The following CBLB variants were observed in gnomAD, a reference collection of about 807,000 sequenced individuals.
CBLB encodes E3 ubiquitin-protein ligase CBL-B.
In CBLB, 31 loss-of-function variants were observed where a neutral mutation model predicts 104.9. The ratio of observed to expected loss-of-function variants is 0.30; its 90% confidence interval spans 0.22 to 0.40. The LOEUF (loss-of-function observed/expected upper bound fraction) is 0.40, where lower values mean the gene tolerates loss of function less well. Ranked by LOEUF, CBLB falls within the 10% of genes least tolerant of loss-of-function variation. The probability of loss-of-function intolerance (pLI) is 1.00; values close to 1 mark genes in which losing one functional copy is unlikely to be tolerated. For synonymous variants in CBLB, 440 were observed against 422.6 expected (o/e 1.04, Z -0.51); for missense variants, 1,062 against 1,214.6 (o/e 0.87, Z 1.87).
intron 5 of CBLB, among the ~76,000 whole-genome samples, chr3:105,750,112 G>A (rs1358039779): frequency 6.6e-6 from 1 of 151,300 alleles, no homozygotes; most frequent in Non-Finnish European, 1.5e-5. Context: ...TCTGCCTCCC[G>A]GGTTCACACC....
At chr3:105,842,264 A>G (rs1356193155) in intron 3 of CBLB, among the ~76,000 whole-genome samples, 1 of 152,160 alleles carries the variant, frequency 6.6e-6, no homozygotes, top group Non-Finnish European at 1.5e-5. Flanking sequence ...TGACTAATAA[A>G]TGGTTCATTT....
chr3:105,831,998 T>A (rs1168118077), intron 3 of CBLB, among the ~76,000 whole-genome samples: 1 of 152,136 alleles, frequency 6.6e-6, no homozygotes, highest in East Asian at 1.9e-4. Flanking sequence ...CTAGTCAAAG[T>A]AGTTTCAGGT....
At position 105,855,433 on chromosome 3, in the gene CBLB, G is replaced by A. The variant is rs574149730; in HGVS notation, c.169-1769C>T. On this transcript the variant is annotated intron_variant, in intron 2 of 18. Coordinates refer to ENST00000394030, the MANE Select transcript of CBLB (RefSeq NM_170662.5). ...GTCTTACCACAGAAAGGTAATTATG[G>A]AAGGTGAAGGATATGTTAATTTATT... Among the ~76,000 whole-genome samples the A allele has an allele frequency of 1.5e-3, 231 of 152,300 alleles. No homozygotes were observed. The Middle Eastern group carries it at 0.024, about 16-fold the overall frequency.
At chr3:105,842,960 A>G in intron 3 of CBLB, among the ~76,000 whole-genome samples, 1 of 152,260 alleles carries the variant, frequency 6.6e-6, no homozygotes, top group East Asian at 1.9e-4. Flanking sequence ...CAAAAATTAG[A>G]TAGGTACTTT....
chr3:105,733,496 T>C (rs767677425), intron 9 of CBLB, among the ~76,000 whole-genome samples: 1 of 152,158 alleles, frequency 6.6e-6, no homozygotes, highest in Non-Finnish European at 1.5e-5. Context: ...CTTCAGTAAA[T>C]AGGGAACTTT....
At chr3:105,824,105 TC>T (rs771390810) in intron 3 of CBLB, 1 of 152,204 alleles carries the variant, frequency 6.6e-6, no homozygotes, top group Non-Finnish European at 1.5e-5. Context: ...GTAGTGGGAA[TC>T]CCAAACTTAA....
At chr3:105,702,714 T>A (rs1404739288) in intron 11 of CBLB, among the ~76,000 whole-genome samples, 1 of 152,056 alleles carries the variant, frequency 6.6e-6, no homozygotes, top group Non-Finnish European at 1.5e-5. Context: ...AATGTTAAGT[T>A]ATAGAAATGA....
At chr3:105,854,437 G>A (rs939250321) in intron 2 of CBLB, among the ~76,000 whole-genome samples, 1 of 152,094 alleles carries the variant, frequency 6.6e-6, no homozygotes, top group African/African-American at 2.4e-5. Context: ...TCCAGAAAGG[G>A]CATAATCAAC....
Position 105,819,142 on chromosome 3 carries a change from A to G in CBLB, c.419+34272T>C, listed in dbSNP as rs191469096. Among the ~76,000 whole-genome samples, 304 of 152,352 alleles carry G rather than the reference A, an allele frequency of 2.0e-3. 2 individuals carry two copies. Among genetic ancestry groups the G allele is most frequent in the African/African-American group, 7.1e-3 (295 of 41,580 alleles). On this transcript the variant is annotated intron_variant, in intron 3 of 18. Coordinates refer to ENST00000394030, the MANE Select transcript of CBLB (RefSeq NM_170662.5). ...AACAATGGTGAAAACACTTGAAGAGAAAAGTAAATATGAATATTTAAGTTG... is the reference window on the plus strand; with the variant it reads ...AACAATGGTGAAAACACTTGAAGAGGAAAGTAAATATGAATATTTAAGTTG...
rs1205796324 is a variant in CBLB, at chr3:105,674,635, G to C, written c.2569+3796C>G. ...TTGAGCCCTGACCTGGCACAAAGTA[G>C]AGGTAGGGGTGTCTACTTCAATCTA... is the stretch of plus-strand genomic sequence containing the variant. On this transcript the variant is annotated intron_variant, in intron 17 of 18. Coordinates refer to ENST00000394030, the MANE Select transcript of CBLB (RefSeq NM_170662.5). 2.6e-5 allele frequency among the ~76,000 whole-genome samples: 4 copies of C among 152,344 alleles called. No individual in the cohort carries two copies. In the East Asian group the frequency reaches 5.8e-4, roughly 22 times the overall value.
At position 105,728,650 on chromosome 3, in the gene CBLB, T is replaced by C. The variant is rs577894578; in HGVS notation, c.1203+5359A>G. ...TGAAAGACAACTCTCCAAGTTTTAT[T>C]ACTAAGGGTAGCACAAAAATGTTGC... On this transcript the variant is annotated intron_variant, in intron 9 of 18. Transcript: ENST00000394030. Among the ~76,000 whole-genome samples, 5 of 152,316 alleles carry C rather than the reference T, an allele frequency of 3.3e-5. No individual in the cohort carries two copies. The East Asian group carries it at 7.7e-4, about 24-fold the overall frequency.
At chr3:105,711,975 T>C (rs1368684655) in intron 10 of CBLB, among the ~76,000 whole-genome samples, 1 of 152,162 alleles carries the variant, frequency 6.6e-6, no homozygotes, top group Non-Finnish European at 1.5e-5. Context: ...CTTTGAGGTC[T>C]GGCAGAGAAG....
chr3:105,786,064 G>GGGA (rs1054694911), intron 3 of CBLB, among the ~76,000 whole-genome samples: 9 of 139,154 alleles, frequency 6.5e-5, no homozygotes, highest in East Asian at 6.3e-4. Flanking sequence ...AGAGGATCGG[G>GGGA]GGGGGGAAAG....
chr3:105,843,387 T>G (rs1420201530), intron 3 of CBLB, among the ~76,000 whole-genome samples: 2 of 152,212 alleles, frequency 1.3e-5, no homozygotes, highest in African/African-American at 4.8e-5. Context: ...TTATTTTCTA[T>G]GTGCAATAGG....
chr3:105,665,223 T>C (rs1474712845), intron 18 of CBLB, among the ~76,000 whole-genome samples: 1 of 151,502 alleles, frequency 6.6e-6, no homozygotes, highest in African/African-American at 2.4e-5. Context: ...ACCAATATGG[T>C]GAAACCCTGT....
At chr3:105,749,182 GA>G in intron 5 of CBLB, among the ~76,000 whole-genome samples, 1 of 152,166 alleles carries the variant, frequency 6.6e-6, no homozygotes, top group East Asian at 1.9e-4. Context: ...GCACACATAC[GA>G]TTATATTCAA....
intron 12 of CBLB, among the ~76,000 whole-genome samples, chr3:105,698,901 C>T (rs1376487887): frequency 2.0e-5 from 3 of 151,998 alleles, no homozygotes; most frequent in Non-Finnish European, 2.9e-5. Context: ...TGCAGAGGAA[C>T]AAAAATCCTA....
rs573903770 is a variant in CBLB at position 105,758,726 on chromosome 3, G to A, written c.567-7108C>T. Among the ~76,000 whole-genome samples, 38 of 152,376 alleles carry A rather than the reference G, an allele frequency of 2.5e-4. No homozygotes were observed. In the South Asian group the frequency reaches 3.3e-3, roughly 13 times the overall value. ...AGCTCCAGGCACCAGCACAGGCACC[G>A]GCTCTGGGCAAGCCAGTGGCTGGAT... On this transcript the variant is annotated intron_variant, in intron 4 of 18. Transcript: ENST00000394030.
intron 3 of CBLB, among the ~76,000 whole-genome samples, chr3:105,781,824 A>G (rs2080292819): frequency 6.6e-6 from 1 of 152,240 alleles, no homozygotes; most frequent in African/African-American, 2.4e-5. Context: ...ACTTTTACCC[A>G]AAAACTATTA....
Sources: gnomAD v4.1 joint callset for allele counts (sites outside exome capture counted in the v4.1 genomes callset) on GRCh38, gnomAD v4.1.1 for gene constraint, MANE v1.5 for transcripts, NCBI Gene and HGNC (gene_info 2026-07-23, HGNC 2026-07-21) for gene names.